Variants in TNFAIP8 observed in about 807,000 individuals in gnomAD.
The protein encoded by TNFAIP8 is TNF alpha induced protein 8.
A neutral mutation model predicts 13.3 loss-of-function variants in TNFAIP8; 7 were observed. That is an observed-to-expected ratio of 0.52 (90% CI 0.30 to 0.99). TNFAIP8 has a LOEUF of 0.99. Ranked by LOEUF, TNFAIP8 falls within the 50% of genes least tolerant of loss-of-function variation. TNFAIP8 has a pLI of 0.07. For synonymous variants in TNFAIP8, 94 were observed against 87.6 expected (o/e 1.07, Z -0.41); for missense variants, 258 against 236.9 (o/e 1.09, Z -0.58).
In TNFAIP8 at chr5:119,397,230, T is replaced by A. The variant is rs1048742519; in HGVS notation, c.*3849T>A. The stretch of plus-strand genomic sequence containing the variant: ...TCAGTTGGATTTTTACTAAGAATTT[T>A]AATTTATCCTTGAGATACTTGATGA... On this transcript the variant is annotated 3_prime_UTR_variant, in exon 2 of 2. Transcript: ENST00000504771. 6.6e-6 allele frequency: 1 copy of A among 152,116 alleles called. No homozygotes were observed. The highest frequency in any genetic ancestry group is 2.4e-5 in the African/African-American group (1 of 41,406). 9.4% of individuals were successfully genotyped at this position (152,116 alleles called of 1,614,324 possible). A position where few individuals can be genotyped will look rare whatever the true frequency, so the allele number is the denominator to read the frequency against.
At chr5:119,293,136 A>G (rs1749051193) in intron 1 of TNFAIP8, among the ~76,000 whole-genome samples, 1 of 152,168 alleles carries the variant, frequency 6.6e-6, no homozygotes, top group Non-Finnish European at 1.5e-5. Context: ...ATATATATGC[A>G]TGTTGTGGAA....
chr5:119,322,515 A>G (rs1487272551), intron 1 of TNFAIP8, among the ~76,000 whole-genome samples: 2 of 152,216 alleles, frequency 1.3e-5, no homozygotes, highest in Non-Finnish European at 2.9e-5. Flanking sequence ...GGAGAAGTTG[A>G]GCAGCCTCTG....
chr5:119,369,298 C>T (rs1016963893), intron 1 of TNFAIP8, among the ~76,000 whole-genome samples: 1 of 152,160 alleles, frequency 6.6e-6, no homozygotes, highest in African/African-American at 2.4e-5. Flanking sequence ...AAGTGATCCG[C>T]CTGCCTGGGC....
At chr5:119,287,468 T>C (rs1748841774) in intron 1 of TNFAIP8, among the ~76,000 whole-genome samples, 2 of 152,034 alleles carry the variant, frequency 1.3e-5, no homozygotes, top group Non-Finnish European at 2.9e-5. Context: ...TGGGAACACT[T>C]AAAATCTGCT....
chr5:119,304,750 A>T (rs1232800303), intron 1 of TNFAIP8, among the ~76,000 whole-genome samples: 1 of 152,206 alleles, frequency 6.6e-6, no homozygotes, highest in Non-Finnish European at 1.5e-5. Context: ...AATTATTTTC[A>T]GTTATCTTCT....
intron 1 of TNFAIP8, among the ~76,000 whole-genome samples, chr5:119,280,331 TA>T (rs34695435): frequency 0.16 from 22,418 of 144,082 alleles, 1,719 homozygotes; most frequent in Admixed American, 0.17. Context: ...TCTTACCCAT[TA>T]AAAAAAAAAA....
intron 1 of TNFAIP8, among the ~76,000 whole-genome samples, chr5:119,314,898 AT>A (rs892288090): frequency 1.3e-5 from 2 of 151,706 alleles, no homozygotes; most frequent in Non-Finnish European, 2.9e-5. Context: ...CCAATTATTT[AT>A]TTTTTTTCAT....
At chr5:119,329,536 T>G (rs2112703408) in intron 1 of TNFAIP8, among the ~76,000 whole-genome samples, 1 of 152,302 alleles carries the variant, frequency 6.6e-6, no homozygotes, top group East Asian at 1.9e-4. Flanking sequence ...TTCCACACAG[T>G]TTGCTTTTTG....
intron 1 of TNFAIP8, among the ~76,000 whole-genome samples, chr5:119,312,745 C>CAAAAAAAAAAAA (rs869226026): frequency 3.4e-3 from 145 of 42,744 alleles, no homozygotes; most frequent in Middle Eastern, 0.023. Context: ...GCAAAAAATA[C>CAAAAAAAAAAAA]AAAAAAAAAA....
chr5:119,301,262 G>C (rs141516279), intron 1 of TNFAIP8, among the ~76,000 whole-genome samples: 2 of 151,936 alleles, frequency 1.3e-5, no homozygotes, highest in Non-Finnish European at 2.9e-5. Flanking sequence ...CCCTTCTATT[G>C]TTCCCCATTG....
chr5:119,368,988 A>G (rs1190097963), intron 1 of TNFAIP8, among the ~76,000 whole-genome samples: 1 of 152,044 alleles, frequency 6.6e-6, no homozygotes, highest in African/African-American at 2.4e-5. Context: ...TACCTGTTCA[A>G]ATAGGATGCT....
At chr5:119,389,700 C>G (rs994044756) in intron 1 of TNFAIP8, among the ~76,000 whole-genome samples, 1 of 152,060 alleles carries the variant, frequency 6.6e-6, no homozygotes, top group Non-Finnish European at 1.5e-5. Flanking sequence ...GGAGAAAGAG[C>G]TTCAGATGGT....
At chr5:119,333,126 T>G in intron 1 of TNFAIP8, 2 of 864,212 alleles carry the variant, frequency 2.3e-6, no homozygotes, top group Non-Finnish European at 2.8e-6. Context: ...TCTAAGTATC[T>G]GTTTCTATTT....
In TNFAIP8 at chr5:119,317,840, T is replaced by G. The variant is rs144184111; in HGVS notation, c.1+48933T>G. On this transcript the variant is annotated intron_variant, in intron 1 of 1. Coordinates refer to the TNFAIP8 transcript ENST00000274456. ...CTTGAACTCCTGACCTCAAGTAATC[T>G]GCCCGCCTTGGCTCCCAAAGTGCTG... Among the ~76,000 whole-genome samples, 1,010 of 152,142 alleles carry G rather than the reference T, an allele frequency of 6.6e-3. 13 individuals carry two copies. The highest frequency in any genetic ancestry group is 0.022 in the African/African-American group (933 of 41,502).
chr5:119,301,292 A>G (rs1749383295), intron 1 of TNFAIP8, among the ~76,000 whole-genome samples: 2 of 152,238 alleles, frequency 1.3e-5, no homozygotes, highest in South Asian at 2.1e-4. Context: ...TGCTTATGCC[A>G]TCTAGAATAT....
At chr5:119,298,232 C>T (rs1306638621) in intron 1 of TNFAIP8, among the ~76,000 whole-genome samples, 2,774 of 151,848 alleles carry the variant, frequency 0.018, 95 homozygotes, top group African/African-American at 0.064. Context: ...CATGATTTTG[C>T]AGTGGCTGGT....
intron 1 of TNFAIP8, among the ~76,000 whole-genome samples, chr5:119,330,553 G>T (rs538137575): frequency 6.6e-6 from 1 of 152,086 alleles, no homozygotes; most frequent in African/African-American, 2.4e-5. Context: ...TCTCAGCCCT[G>T]TCCTATTGTG....
At position 119,356,118 on chromosome 5, in the gene TNFAIP8, G is replaced by T; in HGVS notation, c.28G>T (p.Glu10Ter). The T allele has an allele frequency of 6.3e-7, 1 of 1,585,438 alleles. No homozygotes were observed. The highest frequency in any genetic ancestry group is 1.1e-5 in the South Asian group (1 of 87,826). Residue 10 changes from glutamate to a stop codon, truncating the protein, a stop_gained, in exon 1 of 2, where the codon GAA becomes TAA. Transcript: ENST00000504771. LOFTEE classifies it high-confidence loss of function. MHSEAEESKEVATDVFNSKN... is the reference protein window; with the variant it reads MHSEAEESK Reference sequence around the variant, plus strand: ...GCACTCCGAAGCAGAAGAATCCAAGGAAGGTAGGATTCTGGTTTCTCCTGG... The same window carrying T: ...GCACTCCGAAGCAGAAGAATCCAAGTAAGGTAGGATTCTGGTTTCTCCTGG...
chr5:119,284,216 C>T (rs938816391), intron 1 of TNFAIP8, among the ~76,000 whole-genome samples: 1 of 152,140 alleles, frequency 6.6e-6, no homozygotes, highest in East Asian at 1.9e-4. Flanking sequence ...TGGTTTCTAA[C>T]CATATTGCCA....
Sources: allele counts gnomAD v4.1 joint callset (sites outside exome capture counted in the v4.1 genomes callset), GRCh38; gene constraint gnomAD v4.1.1; transcripts MANE v1.5; gene names NCBI Gene and HGNC (gene_info 2026-07-23, HGNC 2026-07-21).